Variants in QKI observed in about 807,000 individuals in gnomAD.
QKI encodes the protein KH domain-containing RNA-binding protein QKI.
QKI carries 10 observed loss-of-function variants against 39.0 expected under a neutral mutation model. The ratio of observed to expected loss-of-function variants is 0.26; its 90% CI spans 0.16 to 0.43. QKI has a LOEUF of 0.43. Among genes scored for constraint, QKI ranks in the 20% least tolerant of loss-of-function variants. The pLI, the probability that QKI is intolerant of heterozygous loss-of-function variation, is 1.00. For missense variants in QKI, 218 were observed against 428.0 expected, an observed-to-expected ratio of 0.51 and a Z score of 4.33; for synonymous variants, 204 against 155.4, an observed-to-expected ratio of 1.31 and a Z score of -2.33.
rs1380623288 is a variant in QKI at position 163,509,282 on chromosome 6, T to G, written c.403-25700T>G. Among the ~76,000 whole-genome samples, 20 of 152,092 alleles carry G rather than the reference T, an allele frequency of 1.3e-4. 1 individual carries two copies. Among genetic ancestry groups the G allele is most frequent in the Admixed American group, 1.2e-3 (19 of 15,262 alleles). On this transcript the variant is annotated intron_variant, in intron 3 of 7. Coordinates refer to ENST00000361752, the MANE Select transcript of QKI (RefSeq NM_006775.3). Reference sequence around the variant, plus strand: ...ATGAAAGATAACAGACAGAACTAATTGCCAGCAGATAAGCACACCAGGTAA... The same window carrying G: ...ATGAAAGATAACAGACAGAACTAATGGCCAGCAGATAAGCACACCAGGTAA...
At chr6:163,504,260 G>A (rs955008309) in intron 3 of QKI, among the ~76,000 whole-genome samples, 9 of 152,162 alleles carry the variant, frequency 5.9e-5, no homozygotes, top group African/African-American at 2.2e-4. Context: ...GGTTACTGTA[G>A]CCTTGTATTA....
At chr6:163,507,239 T>C (rs888551532) in intron 3 of QKI, among the ~76,000 whole-genome samples, 1 of 152,192 alleles carries the variant, frequency 6.6e-6, no homozygotes, top group African/African-American at 2.4e-5. Flanking sequence ...TACTGGATTA[T>C]TGATATTTCT....
intron 3 of QKI, among the ~76,000 whole-genome samples, chr6:163,487,081 A>G (rs916289766): frequency 7.2e-5 from 11 of 152,196 alleles, no homozygotes; most frequent in Admixed American, 4.6e-4. Context: ...GGCTTTGGCA[A>G]TTGGTGGCAT....
intron 3 of QKI, among the ~76,000 whole-genome samples, chr6:163,494,907 T>A (rs943771966): frequency 4.0e-5 from 6 of 149,550 alleles, no homozygotes; most frequent in South Asian, 2.1e-4. Context: ...TGTCTTTTTT[T>A]ATTATTTATT....
chr6:163,516,969 A>G (rs145050800), intron 3 of QKI, among the ~76,000 whole-genome samples: 1 of 152,192 alleles, frequency 6.6e-6, no homozygotes, highest in African/African-American at 2.4e-5. Flanking sequence ...GTTTTATTTT[A>G]GAATTTTTAT....
At chr6:163,549,003 G>T (rs1782055724) in intron 4 of QKI, among the ~76,000 whole-genome samples, 1 of 152,180 alleles carries the variant, frequency 6.6e-6, no homozygotes, top group African/African-American at 2.4e-5. Context: ...TGTATTCACT[G>T]TAATTATAGA....
chr6:163,545,305 A>T (rs927264507), intron 4 of QKI, among the ~76,000 whole-genome samples: 1 of 152,128 alleles, frequency 6.6e-6, no homozygotes, highest in Non-Finnish European at 1.5e-5. Flanking sequence ...TGTGTGGCTT[A>T]TTCTGCATTA....
At chr6:163,420,915 T>C (rs1336050400) in intron 1 of QKI, among the ~76,000 whole-genome samples, 3 of 152,204 alleles carry the variant, frequency 2.0e-5, no homozygotes, top group Non-Finnish European at 4.4e-5. Context: ...ATTGGAATAT[T>C]ATTACCTGTC....
intron 1 of QKI, among the ~76,000 whole-genome samples, chr6:163,435,134 AT>A (rs1262099022): frequency 1.3e-5 from 2 of 152,204 alleles, no homozygotes; most frequent in Non-Finnish European, 2.9e-5. Context: ...TTAGTTGCAT[AT>A]TATCCAAAAA....
At chr6:163,507,766 A>G (rs1254343894) in intron 3 of QKI, among the ~76,000 whole-genome samples, 2 of 152,194 alleles carry the variant, frequency 1.3e-5, no homozygotes, top group African/African-American at 2.4e-5. Context: ...AACAAAAGAA[A>G]AAAATTCGTC....
At chr6:163,538,513 G>A (rs1482685073) in intron 4 of QKI, among the ~76,000 whole-genome samples, 3 of 152,166 alleles carry the variant, frequency 2.0e-5, no homozygotes, top group Non-Finnish European at 4.4e-5. Context: ...AGGTGAGGTC[G>A]GTGGGGATGG....
intron 2 of QKI, among the ~76,000 whole-genome samples, chr6:163,463,705 A>G (rs1030416182): frequency 5.9e-5 from 9 of 152,328 alleles, no homozygotes; most frequent in Middle Eastern, 3.4e-3. Context: ...ATTAGAAAAA[A>G]GATTATTTAA....
intron 3 of QKI, among the ~76,000 whole-genome samples, chr6:163,488,733 G>A (rs1231588171): frequency 6.6e-6 from 1 of 152,076 alleles, no homozygotes; most frequent in African/African-American, 2.4e-5. Flanking sequence ...TAACAGTTGT[G>A]CTAGTATATA....
At chr6:163,550,948 C>CAAAAA (rs398003272) in intron 4 of QKI, among the ~76,000 whole-genome samples, 4 of 136,424 alleles carry the variant, frequency 2.9e-5, no homozygotes, top group Non-Finnish European at 6.3e-5. Flanking sequence ...CTCTGTCTCA[C>CAAAAA]AAAAAAAAAA....
intron 3 of QKI, among the ~76,000 whole-genome samples, chr6:163,494,371 A>G (rs1044737993): frequency 2.0e-5 from 3 of 152,228 alleles, no homozygotes; most frequent in South Asian, 2.1e-4. Flanking sequence ...CTAAGGGACA[A>G]CTGTAGTAAC....
intron 6 of QKI, chr6:163,564,594 A>G: frequency 6.2e-7 from 1 of 1,608,832 alleles, no homozygotes; most frequent in Non-Finnish European, 8.5e-7. Flanking sequence ...AAATCATAAT[A>G]TAAACGCTTG....
At chr6:163,566,053 A>C in intron 6 of QKI, 2 of 1,581,734 alleles carry the variant, frequency 1.3e-6, no homozygotes, top group Non-Finnish European at 1.7e-6. Flanking sequence ...CGGGGGAAAA[A>C]AGCTTAGCCT....
intron 1 of QKI, among the ~76,000 whole-genome samples, chr6:163,449,176 A>G (rs555301372): frequency 6.6e-6 from 1 of 152,302 alleles, no homozygotes; most frequent in Admixed American, 6.5e-5. Flanking sequence ...GTGTGGAAAT[A>G]CTGGAGCCTA....
Position 163,415,220 on chromosome 6 carries a change from G to T in QKI, c.27G>T (p.Glu9Asp). The T allele has an allele frequency of 1.3e-6, 2 of 1,592,060 alleles. No individual in the cohort carries two copies. The highest frequency in any genetic ancestry group is 1.7e-6 in the Non-Finnish European group (2 of 1,166,788). The change falls in exon 1 of 8, where the codon GAG (glutamate) becomes GAT (aspartate). Residue 9 changes from glutamate (E) to aspartate (D), a missense_variant. Transcript: ENST00000361752. MVGEMETKEKPKPTPDYLM... is the reference protein window; with the variant it reads MVGEMETKDKPKPTPDYLM... ...TGGTCGGGGAAATGGAAACGAAGGAGAAGCCGAAGCCCACCCCAGATTACC... is the reference window on the plus strand; with the variant it reads ...TGGTCGGGGAAATGGAAACGAAGGATAAGCCGAAGCCCACCCCAGATTACC...
Sources: gnomAD v4.1 joint callset for allele counts (sites outside exome capture counted in the v4.1 genomes callset) on GRCh38, gnomAD v4.1.1 for gene constraint, MANE v1.5 for transcripts, NCBI Gene and HGNC (gene_info 2026-07-23, HGNC 2026-07-21) for gene names.